MRE11: variants seen among roughly 807,000 people sequenced by gnomAD.
MRE11 encodes the protein MRE11 double strand break repair nuclease.
In MRE11, 62 loss-of-function variants were observed where a neutral mutation model predicts 91.7. The observed-to-expected ratio is 0.68, with a 90% CI of 0.55 to 0.84. The LOEUF is 0.84. MRE11 is among the 40% of genes least tolerant of loss of function. MRE11 has a pLI of 0.00. For missense variants in MRE11, 796 were observed against 852.9 expected (o/e 0.93, Z 0.83); for synonymous variants, 273 against 271.4 (o/e 1.01, Z -0.06).
At chr11:94,432,173 T>C (rs1945478300) in intron 18 of MRE11, among the ~76,000 whole-genome samples, 1 of 152,152 alleles carries the variant, frequency 6.6e-6, no homozygotes, top group Admixed American at 6.5e-5. Flanking sequence ...TAAATACACA[T>C]AAATGAGCCT....
At chr11:94,445,172 C>G (rs769510183) in intron 16 of MRE11, among the ~76,000 whole-genome samples, 1 of 152,222 alleles carries the variant, frequency 6.6e-6, no homozygotes, top group Non-Finnish European at 1.5e-5. Context: ...AGCAAGGAAA[C>G]AGTAGAGACA....
Position 94,486,023 on chromosome 11 carries a change from A to G in MRE11, c.215T>C (p.Leu72Ser), listed in dbSNP as rs747252386. 1 of 1,613,864 alleles carries G rather than the reference A, an allele frequency of 6.2e-7. No homozygotes were observed. Among genetic ancestry groups the G allele is most frequent in the South Asian group, 1.1e-5 (1 of 91,072 alleles). ...TCTTAATAACTCGAGGCAGGTATGT[A>G]ATGTTTTCCTTGAGGGCTTATTTTC... is the stretch of plus-strand genomic sequence containing the variant. Reference protein sequence around the residue: ...FHENKPSRKTLHTCLELLRKY... With the variant: ...FHENKPSRKTSHTCLELLRKY... Residue 72 changes from leucine (L) to serine (S), a missense_variant, in exon 4 of 20, where the codon TTA (leucine) becomes TCA (serine). Physicochemically the swap from Leu to Ser is moderately radical, Grantham distance 145. Coordinates refer to ENST00000323929, the MANE Select transcript of MRE11 (RefSeq NM_005591.4).
In MRE11 at chr11:94,420,017, G is replaced by A; in HGVS notation, c.*108C>T. The A allele has an allele frequency of 1.2e-6, 1 of 864,826 alleles. No homozygotes were observed. The highest frequency in any genetic ancestry group is 1.8e-6 in the Non-Finnish European group (1 of 553,822). The allele number at this position is 864,826 out of a possible 1,614,324, so 53.6% of individuals were successfully genotyped here. On this transcript the variant is annotated 3_prime_UTR_variant, in exon 20 of 20. Coordinates refer to ENST00000323929, the MANE Select transcript of MRE11 (RefSeq NM_005591.4). Reference sequence around the variant, plus strand: ...TGTGAACTAGAAATTTCTTACTTATGGAGTTATGCTCAGGAAACAATACTT... The same window carrying A: ...TGTGAACTAGAAATTTCTTACTTATAGAGTTATGCTCAGGAAACAATACTT...
chr11:94,437,599 C>T (rs1184159944), intron 16 of MRE11, among the ~76,000 whole-genome samples: 1 of 152,192 alleles, frequency 6.6e-6, no homozygotes, highest in Admixed American at 6.5e-5. Flanking sequence ...GTTGACGATA[C>T]CTTTATCCCT....
At chr11:94,489,961 C>T (rs1047247318) in intron 3 of MRE11, among the ~76,000 whole-genome samples, 3 of 152,140 alleles carry the variant, frequency 2.0e-5, no homozygotes, top group African/African-American at 7.2e-5. Flanking sequence ...TTGCCCTCAT[C>T]CCCACCCCGC....
At chr11:94,424,040 C>T (rs1237257259) in intron 19 of MRE11, among the ~76,000 whole-genome samples, 1 of 152,148 alleles carries the variant, frequency 6.6e-6, no homozygotes, top group Non-Finnish European at 1.5e-5. Context: ...AACAGTAATG[C>T]AGGTACAGTG....
At chr11:94,462,052 G>T (rs1360574673) in intron 11 of MRE11, among the ~76,000 whole-genome samples, 1 of 152,104 alleles carries the variant, frequency 6.6e-6, no homozygotes, top group East Asian at 1.9e-4. Context: ...TCCAGCCTGG[G>T]TAACAGATCA....
chr11:94,478,818 C>A lies in MRE11; in HGVS notation c.461G>T (p.Gly154Val). 6.2e-7 allele frequency: 1 copy of A among 1,613,816 alleles called. No homozygotes were observed. The highest frequency in any genetic ancestry group is 8.5e-7 in the Non-Finnish European group (1 of 1,179,906). The change falls in exon 6 of 20, where the codon GGA becomes GTA. Residue 154 changes from glycine to valine, a missense_variant. Transcript: ENST00000323929. The stretch of plus-strand genomic sequence containing the variant: ...TATCTTCTCCACAGACATTGAACGT[C>A]CAAAGTGATTTACAAATCCAGCACA... The part of the protein sequence containing the change: ...LSCAGFVNHF[G>V]RSMSVEKIDI...
At chr11:94,448,353 G>C (rs1020308115) in intron 14 of MRE11, among the ~76,000 whole-genome samples, 1 of 152,018 alleles carries the variant, frequency 6.6e-6, no homozygotes, top group Non-Finnish European at 1.5e-5. Flanking sequence ...TAGGTGGATG[G>C]ACTGCTTGAG....
At chr11:94,459,283 T>C in intron 13 of MRE11, 125 bp downstream of exon 13, 1 of 1,004,848 alleles carries the variant, frequency 1.0e-6, no homozygotes, top group South Asian at 1.4e-5. Flanking sequence ...TCATTTCAAT[T>C]TTATAGATGA....
At position 94,449,914 on chromosome 11, in the gene MRE11, T is replaced by G. The variant is rs147414791; in HGVS notation, c.1564-2476A>C. On this transcript the variant is annotated intron_variant, in intron 14 of 19. Transcript: ENST00000323929. Reference sequence around the variant, plus strand: ...CCACCACTGGATATGCAGTCTGACATCGATCAAAATGTTGTATGTGGCACA... The same window carrying G: ...CCACCACTGGATATGCAGTCTGACAGCGATCAAAATGTTGTATGTGGCACA... Among the ~76,000 whole-genome samples, 48 of 152,320 alleles carry G rather than the reference T, an allele frequency of 3.2e-4. No homozygotes were observed. The East Asian group carries it at 8.3e-3, about 26-fold the overall frequency.
At chr11:94,485,418 C>T (rs1039091656) in intron 4 of MRE11, among the ~76,000 whole-genome samples, 2 of 151,988 alleles carry the variant, frequency 1.3e-5, no homozygotes, top group Non-Finnish European at 2.9e-5. Flanking sequence ...AGTCAAAAGA[C>T]AAGCCATTGA....
intron 16 of MRE11, among the ~76,000 whole-genome samples, chr11:94,442,803 A>C (rs1945820108): frequency 6.6e-6 from 1 of 152,222 alleles, no homozygotes; most frequent in African/African-American, 2.4e-5. Context: ...CAAAGCTGTC[A>C]TTTGTTGAAT....
intron 14 of MRE11, among the ~76,000 whole-genome samples, chr11:94,449,940 T>G (rs1946054383): frequency 6.6e-6 from 1 of 152,206 alleles, no homozygotes; most frequent in South Asian, 2.1e-4. Flanking sequence ...ATGTGGCACA[T>G]GACTACATAT....
At position 94,417,279 on chromosome 11, in the gene MRE11, T is replaced by C. The variant is rs1945052633; in HGVS notation, c.*2846A>G. 1 of 198,394 alleles carries C rather than the reference T, an allele frequency of 5.0e-6. No individual in the cohort carries two copies. The highest frequency in any genetic ancestry group is 6.0e-5 in the Admixed American group (1 of 16,538). 12.3% of individuals were successfully genotyped at this position (198,394 alleles called of 1,614,324 possible). On this transcript the variant is annotated 3_prime_UTR_variant, in exon 20 of 20. Coordinates refer to ENST00000323929, the MANE Select transcript of MRE11 (RefSeq NM_005591.4). ...GGCATGAGCCACTGCACCCAGCCCATTGAGATACTTTTTTACTCAGTTTTT... is the reference window on the plus strand; with the variant it reads ...GGCATGAGCCACTGCACCCAGCCCACTGAGATACTTTTTTACTCAGTTTTT...
chr11:94,509,313 T>C, the MRE11 span, among the ~76,000 whole-genome samples: 4 of 152,240 alleles, frequency 2.6e-5, no homozygotes, highest in South Asian at 4.1e-4. Context: ...TAAATGTTAT[T>C]GTCTTTTACA....
At chr11:94,508,200 G>A in the MRE11 span, among the ~76,000 whole-genome samples, 1 of 152,150 alleles carries the variant, frequency 6.6e-6, no homozygotes, top group African/African-American at 2.4e-5. Flanking sequence ...TCCCGCCTCA[G>A]CCTCCTAAAG....
chr11:94,437,376 T>A, intron 16 of MRE11, 141 bp from the exon 17 acceptor site: 1 of 710,668 alleles, frequency 1.4e-6, no homozygotes, highest in Non-Finnish European at 2.3e-6. Flanking sequence ...TTGATATTTT[T>A]AAAAATCTAA....
chr11:94,470,745 A>G, intron 8 of MRE11, 103 bp from the exon 9 acceptor site: 1 of 1,146,200 alleles, frequency 8.7e-7, no homozygotes, highest in African/African-American at 1.5e-5. Flanking sequence ...ATGCTTCTTT[A>G]TAAAATCATA....
Sources: allele counts gnomAD v4.1 joint callset (sites outside exome capture counted in the v4.1 genomes callset), GRCh38; gene constraint gnomAD v4.1.1; transcripts MANE v1.5; gene names NCBI Gene and HGNC (gene_info 2026-07-23, HGNC 2026-07-21).